The following ADGRL2 variants were observed in gnomAD, a reference collection of about 807,000 sequenced individuals.
ADGRL2 encodes the protein adhesion G protein-coupled receptor L2.
A neutral mutation model predicts 157.4 loss-of-function variants in ADGRL2; 44 were observed. That is an observed-to-expected ratio of 0.28 (90% CI 0.22 to 0.36). The LOEUF is 0.36. ADGRL2 is among the 10% of genes least tolerant of loss of function. The probability of loss-of-function intolerance (pLI) is 1.00; values close to 1 mark genes in which losing one functional copy is unlikely to be tolerated. For synonymous variants in ADGRL2, 585 were observed against 624.7 expected, an observed-to-expected ratio of 0.94 and a Z score of 0.95; for missense variants, 1,510 against 1,768.9, an observed-to-expected ratio of 0.85 and a Z score of 2.63.
chr1:81,787,592 T>A (rs1436165338), intron 2 of ADGRL2, among the ~76,000 whole-genome samples: 4 of 151,846 alleles, frequency 2.6e-5, no homozygotes, highest in Non-Finnish European at 5.9e-5. Flanking sequence ...GAGGCGGAGG[T>A]TGCAGTGAGC....
At chr1:81,842,663 CTCTTT>C (rs1426125341) in intron 2 of ADGRL2, among the ~76,000 whole-genome samples, 1 of 151,848 alleles carries the variant, frequency 6.6e-6, no homozygotes, top group African/African-American at 2.4e-5. Context: ...GCCTTTTTTG[CTCTTT>C]TCAAGAGTAT....
chr1:81,362,861 C>A (rs1402503802), intron 1 of ADGRL2, among the ~76,000 whole-genome samples: 1 of 151,988 alleles, frequency 6.6e-6, no homozygotes, highest in Non-Finnish European at 1.5e-5. Context: ...CTTAACCATT[C>A]CTAACATCTT....
intron 1 of ADGRL2, among the ~76,000 whole-genome samples, chr1:81,726,282 TC>T (rs1417158527): frequency 3.9e-5 from 6 of 152,142 alleles, no homozygotes; most frequent in Admixed American, 1.3e-4. Context: ...CATACATCCT[TC>T]CCTGGACTCA....
At chr1:81,916,794 G>A (rs1307796772) in intron 3 of ADGRL2, among the ~76,000 whole-genome samples, 1 of 151,758 alleles carries the variant, frequency 6.6e-6, no homozygotes, top group African/African-American at 2.4e-5. Flanking sequence ...AATTATTCTT[G>A]TACATTTTAA....
At chr1:81,640,925 C>G (rs576705657) in intron 3 of ADGRL2, among the ~76,000 whole-genome samples, 4 of 152,296 alleles carry the variant, frequency 2.6e-5, no homozygotes, top group African/African-American at 9.6e-5. Flanking sequence ...AGGAAGTAAC[C>G]TGATGTTAAC....
chr1:81,406,314 T>C (rs1021231655), intron 1 of ADGRL2, among the ~76,000 whole-genome samples: 3 of 152,158 alleles, frequency 2.0e-5, no homozygotes, highest in Non-Finnish European at 2.9e-5. Context: ...CTGAGTGACA[T>C]CTTAGTTTCG....
chr1:81,832,457 GTCTAGAGTCC>G (rs2092011550), intron 1 of ADGRL2, among the ~76,000 whole-genome samples: 1 of 152,128 alleles, frequency 6.6e-6, no homozygotes, highest in South Asian at 2.1e-4. Flanking sequence ...CTTTCTAATA[GTCTAGAGTCC>G]TCAGGCAGTT....
intron 1 of ADGRL2, among the ~76,000 whole-genome samples, chr1:81,757,693 T>C (rs888753394): frequency 1.4e-4 from 22 of 152,228 alleles, no homozygotes; most frequent in African/African-American, 5.3e-4. Flanking sequence ...CATTGCTCAA[T>C]TAAACTACTT....
intron 2 of ADGRL2, among the ~76,000 whole-genome samples, chr1:81,489,925 T>G (rs572019477): frequency 2.8e-4 from 43 of 152,290 alleles, no homozygotes; most frequent in African/African-American, 1.0e-3. Flanking sequence ...CTAAGAAAGT[T>G]CATTATCCCT....
chr1:81,422,479 A>T (rs1211561463), intron 1 of ADGRL2, among the ~76,000 whole-genome samples: 1 of 152,208 alleles, frequency 6.6e-6, no homozygotes, highest in Non-Finnish European at 1.5e-5. Flanking sequence ...TCCTGACCTC[A>T]AGTGATCCAC....
intron 3 of ADGRL2, among the ~76,000 whole-genome samples, chr1:81,624,408 C>T (rs2081864811): frequency 6.6e-6 from 1 of 151,974 alleles, no homozygotes; most frequent in African/African-American, 2.4e-5. Context: ...AGGTGAAACC[C>T]CATCCCTACT....
chr1:81,462,034 A>G (rs1030977550), intron 2 of ADGRL2, among the ~76,000 whole-genome samples: 1 of 151,652 alleles, frequency 6.6e-6, no homozygotes, highest in Non-Finnish European at 1.5e-5. Context: ...GGACTTGGAG[A>G]ACTTTTCTGT....
intron 2 of ADGRL2, among the ~76,000 whole-genome samples, chr1:81,550,710 C>T (rs551314719): frequency 3.9e-5 from 6 of 152,128 alleles, no homozygotes; most frequent in Admixed American, 3.9e-4. Flanking sequence ...TGTTACAATT[C>T]CTCTGGGTAA....
chr1:81,780,603 C>T (rs973787926), intron 2 of ADGRL2, among the ~76,000 whole-genome samples: 6 of 152,040 alleles, frequency 3.9e-5, no homozygotes, highest in Non-Finnish European at 7.4e-5. Flanking sequence ...TGTTATCTTC[C>T]GTTAATAGCG....
At chr1:81,811,863 G>A (rs557359042) in intron 1 of ADGRL2, among the ~76,000 whole-genome samples, 1 of 151,286 alleles carries the variant, frequency 6.6e-6, no homozygotes, top group African/African-American at 2.4e-5. Context: ...AGATAAATGA[G>A]CCGGGCAGCT....
chr1:81,674,322 C>G (rs1377098692), intron 3 of ADGRL2, among the ~76,000 whole-genome samples: 2 of 152,106 alleles, frequency 1.3e-5, no homozygotes, highest in African/African-American at 4.8e-5. Context: ...CATGGCCTGC[C>G]TTATTGGTCC....
intron 2 of ADGRL2, among the ~76,000 whole-genome samples, chr1:81,498,026 G>A (rs1479898249): frequency 6.6e-6 from 1 of 152,098 alleles, no homozygotes; most frequent in African/African-American, 2.4e-5. Flanking sequence ...CTAACATGGT[G>A]AAACCTCGTC....
chr1:81,829,579 T>C (rs536045647), intron 1 of ADGRL2, among the ~76,000 whole-genome samples: 43 of 152,330 alleles, frequency 2.8e-4, no homozygotes, highest in African/African-American at 9.9e-4. Context: ...CAGGTTATTA[T>C]AATATTCCTG....
chr1:81,958,118 G>C (rs1039427548), intron 11 of ADGRL2, among the ~76,000 whole-genome samples: 1 of 150,000 alleles, frequency 6.7e-6, no homozygotes, highest in Non-Finnish European at 1.5e-5. Flanking sequence ...TTAGCCAGGC[G>C]TGGTGGGGGG....
Sources: allele counts gnomAD v4.1 joint callset (sites outside exome capture counted in the v4.1 genomes callset), GRCh38; gene constraint gnomAD v4.1.1; transcripts MANE v1.5; gene names NCBI Gene and HGNC (gene_info 2026-07-23, HGNC 2026-07-21).